Variants in SAMD5 observed in about 807,000 individuals in gnomAD.
The protein encoded by SAMD5 is sterile alpha motif domain-containing protein 5.
SAMD5 carries 13 observed loss-of-function variants against 11.3 expected under a neutral mutation model. The ratio of observed to expected loss-of-function variants is 1.15; its 90% CI spans 0.75 to 1.83. The LOEUF (loss-of-function observed/expected upper bound fraction) is 1.83. Ranked by LOEUF, SAMD5 falls within the 40% of genes most tolerant of loss-of-function variation. SAMD5 has a pLI of 0.00. For missense variants in SAMD5, 255 were observed against 239.1 expected (o/e 1.07, Z -0.44); for synonymous variants, 129 against 111.3 (o/e 1.16, Z -1.00).
chr6:147,732,583 A>T (rs1791734506), intron 1 of SAMD5, among the ~76,000 whole-genome samples: 1 of 152,210 alleles, frequency 6.6e-6, no homozygotes, highest in Non-Finnish European at 1.5e-5. Flanking sequence ...AGGCAGGAAC[A>T]TTGCATGTAA....
At chr6:147,630,298 A>T (rs1425422245) in intron 1 of SAMD5, among the ~76,000 whole-genome samples, 1 of 152,160 alleles carries the variant, frequency 6.6e-6, no homozygotes, top group Non-Finnish European at 1.5e-5. Flanking sequence ...TTCATGAAAA[A>T]GAATGGATCA....
the SAMD5 span, among the ~76,000 whole-genome samples, chr6:147,942,851 G>A: frequency 7.3e-6 from 1 of 137,818 alleles, no homozygotes; most frequent in Admixed American, 7.6e-5. Context: ...CTGAGATGGA[G>A]TTTTGCTCTG....
chr6:147,907,308 C>A, the SAMD5 span, among the ~76,000 whole-genome samples: 2 of 152,170 alleles, frequency 1.3e-5, no homozygotes, highest in Non-Finnish European at 2.9e-5. Context: ...AGCAAGAGCT[C>A]AGTAAATATT....
chr6:147,915,874 T>A, the SAMD5 span, among the ~76,000 whole-genome samples: 2 of 151,504 alleles, frequency 1.3e-5, no homozygotes, highest in Non-Finnish European at 2.9e-5. Flanking sequence ...TTACATTAGG[T>A]ATATCTCCTA....
the SAMD5 span, among the ~76,000 whole-genome samples, chr6:147,818,524 C>T: frequency 3.9e-5 from 6 of 152,152 alleles, no homozygotes; most frequent in South Asian, 2.1e-4. Flanking sequence ...CCACATACCT[C>T]GCAGGAAGAG....
At chr6:147,938,318 G>C in the SAMD5 span, among the ~76,000 whole-genome samples, 1 of 151,434 alleles carries the variant, frequency 6.6e-6, no homozygotes, top group Admixed American at 6.7e-5. Context: ...AGTACTAAAA[G>C]TGTATTAATC....
intron 1 of SAMD5, among the ~76,000 whole-genome samples, chr6:147,549,986 T>A (rs556084710): frequency 6.6e-6 from 1 of 151,054 alleles, no homozygotes; most frequent in African/African-American, 2.4e-5. Context: ...GGCTCATGCC[T>A]GTAATCCCCA....
chr6:147,553,027 G>T (rs1788799267), intron 1 of SAMD5, among the ~76,000 whole-genome samples: 1 of 152,168 alleles, frequency 6.6e-6, no homozygotes, highest in South Asian at 2.1e-4. Context: ...CTCAGTGATT[G>T]AACTAAGATA....
chr6:147,567,049 A>T lies in SAMD5; in HGVS notation c.*2593A>T, dbSNP rs1335445985. 1 of 947,362 alleles carries T rather than the reference A, an allele frequency of 1.1e-6. No individual in the cohort carries two copies. The highest frequency in any genetic ancestry group is 1.2e-4 in the East Asian group (1 of 8,628). 58.7% of individuals were successfully genotyped at this position (947,362 alleles called of 1,614,324 possible). A position where few individuals can be genotyped will look rare whatever the true frequency, so the allele number is the denominator to read the frequency against. Reference sequence around the variant, plus strand: ...TTTACATTTCCTAGAGTATTAAAAGAGATTAATTACAGACTTTCACTTGAT... The same window carrying T: ...TTTACATTTCCTAGAGTATTAAAAGTGATTAATTACAGACTTTCACTTGAT... On this transcript the variant is annotated 3_prime_UTR_variant, in exon 2 of 2. Coordinates refer to ENST00000367474, the MANE Select transcript of SAMD5 (RefSeq NM_001030060.3).
intron 1 of SAMD5, among the ~76,000 whole-genome samples, chr6:147,697,614 A>C (rs2128457510): frequency 6.6e-6 from 1 of 152,334 alleles, no homozygotes; most frequent in Admixed American, 6.5e-5. Context: ...CAATAAAAAA[A>C]TCTATAAAAA....
chr6:147,621,664 G>C (rs1789970787), intron 1 of SAMD5, among the ~76,000 whole-genome samples: 1 of 152,188 alleles, frequency 6.6e-6, no homozygotes, highest in South Asian at 2.1e-4. Flanking sequence ...AGTCAGCTAG[G>C]GGTTCTCTGC....
At chr6:147,778,179 T>C in the SAMD5 span, among the ~76,000 whole-genome samples, 1 of 152,220 alleles carries the variant, frequency 6.6e-6, no homozygotes, top group Non-Finnish European at 1.5e-5. Flanking sequence ...TTCTCGTCGT[T>C]AGTTCTATCT....
chr6:147,941,184 C>A, the SAMD5 span, among the ~76,000 whole-genome samples: 6 of 152,124 alleles, frequency 3.9e-5, no homozygotes, highest in African/African-American at 1.4e-4. Flanking sequence ...AGAGGCAATA[C>A]CTACCTGTGT....
intron 1 of SAMD5, among the ~76,000 whole-genome samples, chr6:147,509,824 T>TA (rs1788060490): frequency 6.6e-6 from 1 of 152,200 alleles, no homozygotes; most frequent in South Asian, 2.1e-4. Context: ...GAGAAACTCC[T>TA]AAGGGAAATC....
At chr6:147,842,606 CT>C in the SAMD5 span, among the ~76,000 whole-genome samples, 1 of 151,940 alleles carries the variant, frequency 6.6e-6, no homozygotes, top group Non-Finnish European at 1.5e-5. Flanking sequence ...ACCTGGCATG[CT>C]TGAAATTGAA....
intron 1 of SAMD5, among the ~76,000 whole-genome samples, chr6:147,592,322 C>T (rs1358709885): frequency 6.6e-6 from 1 of 152,174 alleles, no homozygotes; most frequent in East Asian, 1.9e-4. Context: ...AGGTTTCTCT[C>T]CCACCATAGA....
chr6:147,524,499 C>T (rs1018406667), intron 1 of SAMD5, among the ~76,000 whole-genome samples: 4 of 150,522 alleles, frequency 2.7e-5, no homozygotes, highest in African/African-American at 9.8e-5. Flanking sequence ...ATTCTGAAAA[C>T]CTTTTCATCG....
chr6:147,670,948 C>T (rs1790786732), intron 1 of SAMD5, among the ~76,000 whole-genome samples: 1 of 152,198 alleles, frequency 6.6e-6, no homozygotes, highest in African/African-American at 2.4e-5. Context: ...TGGCTTTTGA[C>T]ATGACTACTT....
At chr6:147,685,255 G>A (rs148723844) in intron 1 of SAMD5, among the ~76,000 whole-genome samples, 2 of 152,288 alleles carry the variant, frequency 1.3e-5, no homozygotes, top group Middle Eastern at 3.4e-3. Context: ...GGAGTGCAAT[G>A]GTGCGATCTC....
Sources: gnomAD v4.1 joint callset for allele counts (sites outside exome capture counted in the v4.1 genomes callset) on GRCh38, gnomAD v4.1.1 for gene constraint, MANE v1.5 for transcripts, NCBI Gene and HGNC (gene_info 2026-07-23, HGNC 2026-07-21) for gene names.